Variants in RBFOX3 observed in about 807,000 individuals in gnomAD.
RBFOX3 encodes the protein RNA binding fox-1 homolog 3, also known as RNA binding protein fox-1 homolog 3.
In RBFOX3, 17 loss-of-function variants were observed where a neutral mutation model predicts 48.7. The observed-to-expected ratio is 0.35, with a 90% CI of 0.24 to 0.52. The LOEUF (loss-of-function observed/expected upper bound fraction) is 0.52. Among genes scored for constraint, RBFOX3 ranks in the 20% least tolerant of loss-of-function variants. The pLI is 0.94. For missense variants in RBFOX3, 382 were observed against 497.5 expected (o/e 0.77, Z 2.21); for synonymous variants, 212 against 209.5 (o/e 1.01, Z -0.10).
chr17:79,631,371 C>G, the RBFOX3 span, among the ~76,000 whole-genome samples: 1 of 152,112 alleles, frequency 6.6e-6, no homozygotes, highest in Admixed American at 6.5e-5. Flanking sequence ...AAGTCGTTGA[C>G]TGCAATTCAC....
intron 1 of RBFOX3, among the ~76,000 whole-genome samples, chr17:79,596,574 C>T (rs1416788274): frequency 7.9e-5 from 12 of 152,194 alleles, no homozygotes; most frequent in Admixed American, 7.9e-4. Context: ...AAGGCCCCTG[C>T]CCCCCAACCA....
intron 3 of RBFOX3, among the ~76,000 whole-genome samples, chr17:79,267,691 C>T (rs2066948748): frequency 6.6e-6 from 1 of 152,122 alleles, no homozygotes; most frequent in Admixed American, 6.5e-5. Context: ...AGGCCTGGCC[C>T]CATGTCACTC....
Position 79,362,234 on chromosome 17 carries a change from C to T in RBFOX3, c.-174-54410G>A, listed in dbSNP as rs1354497902. On this transcript the variant is annotated intron_variant, in intron 2 of 14. Transcript: ENST00000693108. This position sits in a 1 kb window ranked among gnomAD's most constrained non-coding sequence, Gnocchi z 4.2. ...CTGAGGTGAGCGCCCCAGAGAGCTT[C>T]CCAGGTTCTCAGATATTTTCCTGCC... 2.0e-5 allele frequency among the ~76,000 whole-genome samples: 3 copies of T among 152,244 alleles called. No individual in the cohort carries two copies. The highest frequency in any genetic ancestry group is 6.5e-5 in the Admixed American group (1 of 15,280).
chr17:79,300,622 G>A (rs1337648616), intron 3 of RBFOX3, among the ~76,000 whole-genome samples: 4 of 152,140 alleles, frequency 2.6e-5, no homozygotes, highest in Non-Finnish European at 4.4e-5. Context: ...GTGGACTGGC[G>A]TGTTCTTCTG....
chr17:79,651,136 A>G, the RBFOX3 span, among the ~76,000 whole-genome samples: 1 of 151,978 alleles, frequency 6.6e-6, no homozygotes, highest in African/African-American at 2.4e-5. Flanking sequence ...TTGGTGATGC[A>G]CCCCTTCTTG....
intron 4 of RBFOX3, among the ~76,000 whole-genome samples, chr17:79,119,680 A>G (rs1448709320): frequency 6.6e-6 from 1 of 152,178 alleles, no homozygotes; most frequent in African/African-American, 2.4e-5. Flanking sequence ...TAGAGCCTGG[A>G]CAGAGGAAAT....
chr17:79,256,998 G>A (rs1261378303), intron 3 of RBFOX3, among the ~76,000 whole-genome samples: 2 of 152,058 alleles, frequency 1.3e-5, no homozygotes, highest in African/African-American at 2.4e-5. Context: ...TTCGTGACGC[G>A]GGTGGGAGGA....
chr17:79,639,338 C>G, the RBFOX3 span, among the ~76,000 whole-genome samples: 2 of 152,078 alleles, frequency 1.3e-5, no homozygotes, highest in South Asian at 4.1e-4. Flanking sequence ...CCGCGCCCGG[C>G]TAATTTTTTT....
intron 2 of RBFOX3, among the ~76,000 whole-genome samples, chr17:79,359,664 C>G (rs1036954976): frequency 1.3e-5 from 2 of 152,128 alleles, no homozygotes; most frequent in African/African-American, 4.8e-5. Flanking sequence ...CCAGGGAGGG[C>G]TGGCTCTGCA....
At chr17:79,180,432 T>C (rs1248070478) in intron 4 of RBFOX3, among the ~76,000 whole-genome samples, 1 of 152,226 alleles carries the variant, frequency 6.6e-6, no homozygotes, top group Admixed American at 6.5e-5. Flanking sequence ...GCTCTTGTTA[T>C]CAAATGTGCT....
In RBFOX3 at chr17:79,362,569, T is replaced by C. The variant is rs1028798089; in HGVS notation, c.-174-54745A>G. Among the ~76,000 whole-genome samples the C allele has an allele frequency of 1.3e-5, 2 of 152,156 alleles. No homozygotes were observed. Among genetic ancestry groups the C allele is most frequent in the African/African-American group, 4.8e-5 (2 of 41,444 alleles). ...TGGCTTGGGATGGAGATGGGAGCCT[T>C]TATGTCCCGCGTGTGAGGGGCCCAG... On this transcript the variant is annotated intron_variant, in intron 2 of 14. Transcript: ENST00000693108. This position sits in a 1 kb window ranked among gnomAD's most constrained non-coding sequence, Gnocchi z 4.2.
chr17:79,145,005 A>C (rs949454281), intron 4 of RBFOX3, among the ~76,000 whole-genome samples: 2 of 152,138 alleles, frequency 1.3e-5, no homozygotes, highest in African/African-American at 4.8e-5. Flanking sequence ...AGAATCCACA[A>C]TGATGCCTCG....
intron 1 of RBFOX3, among the ~76,000 whole-genome samples, chr17:79,488,172 G>A (rs371156358): frequency 1.2e-4 from 18 of 152,118 alleles, no homozygotes; most frequent in African/African-American, 2.9e-4. Flanking sequence ...ATTTTTTTCC[G>A]CACATCTCCA....
the RBFOX3 span, among the ~76,000 whole-genome samples, chr17:79,661,872 C>T: frequency 6.6e-6 from 1 of 152,138 alleles, no homozygotes; most frequent in Non-Finnish European, 1.5e-5. Flanking sequence ...GTCTTTTTCC[C>T]ATTTTTCTGT....
chr17:79,138,732 T>C (rs2707041), intron 4 of RBFOX3, among the ~76,000 whole-genome samples: 121 of 2,758 alleles, frequency 0.044, 2 homozygotes, highest in Middle Eastern at 0.17. Flanking sequence ...CACACACGCA[T>C]GCACACAGCA....
At chr17:79,282,786 G>C (rs9904792) in intron 3 of RBFOX3, among the ~76,000 whole-genome samples, 2 of 152,082 alleles carry the variant, frequency 1.3e-5, no homozygotes, top group African/African-American at 4.8e-5. Context: ...TCAGTCCAAA[G>C]TGTGAGGGCA....
At chr17:79,548,767 T>C (rs2090827817) in intron 1 of RBFOX3, among the ~76,000 whole-genome samples, 2 of 152,190 alleles carry the variant, frequency 1.3e-5, no homozygotes, top group African/African-American at 4.8e-5. Context: ...TGTACTGCTG[T>C]AGCCCCAGTG....
intron 5 of RBFOX3, among the ~76,000 whole-genome samples, chr17:79,113,589 G>C (rs1399034842): frequency 1.3e-5 from 2 of 152,138 alleles, no homozygotes; most frequent in African/African-American, 4.8e-5. Context: ...GGAGGCTCTG[G>C]AGGCTAATAA....
intron 2 of RBFOX3, among the ~76,000 whole-genome samples, chr17:79,472,352 T>A (rs1233533283): frequency 1.3e-5 from 2 of 152,332 alleles, no homozygotes; most frequent in East Asian, 3.9e-4. Flanking sequence ...TATTATGGAC[T>A]GAATCATGCC....
Sources: allele counts gnomAD v4.1 joint callset (sites outside exome capture counted in the v4.1 genomes callset), GRCh38; gene constraint gnomAD v4.1.1; non-coding constraint Gnocchi (gnomAD v3.1); transcripts MANE v1.5; gene names NCBI Gene and HGNC (gene_info 2026-07-23, HGNC 2026-07-21).